ABHD3: variants seen among roughly 807,000 people sequenced by gnomAD.
ABHD3 encodes the protein phospholipase ABHD3.
In ABHD3, 46 loss-of-function variants were observed where a neutral mutation model predicts 48.8. That is an observed-to-expected ratio of 0.94 (90% confidence interval 0.74 to 1.20). The LOEUF (loss-of-function observed/expected upper bound fraction) is 1.20, where lower values mean the gene tolerates loss of function less well. Ranked by LOEUF, ABHD3 falls within the 50% of genes most tolerant of loss-of-function variation. ABHD3 has a pLI of 0.00. For missense variants in ABHD3, 490 were observed against 497.8 expected (o/e 0.98, Z 0.15); for synonymous variants, 192 against 183.7 (o/e 1.04, Z -0.36).
At chr18:21,654,844 T>C (rs556394920) in intron 8 of ABHD3, 1 of 152,284 alleles carries the variant, frequency 6.6e-6, no homozygotes, top group Admixed American at 6.5e-5. Context: ...TTTAAAGGCT[T>C]GGGAAAGAAT....
At chr18:21,702,570 C>G in intron 2 of ABHD3, 72 bp from the exon 3 acceptor site, 1 of 1,269,144 alleles carries the variant, frequency 7.9e-7, no homozygotes, top group Non-Finnish European at 1.1e-6. Context: ...ATTCTAAACA[C>G]ATGACATTAT....
chr18:21,676,616 C>T (rs2039888517), intron 4 of ABHD3, among the ~76,000 whole-genome samples: 1 of 152,202 alleles, frequency 6.6e-6, no homozygotes, highest in South Asian at 2.1e-4. Context: ...GTCTCGAACT[C>T]CTGGCCTCAA....
At position 21,670,616 on chromosome 18, in the gene ABHD3, G is replaced by C. The variant is rs571132311; in HGVS notation, c.556-6386C>G. Among the ~76,000 whole-genome samples the C allele has an allele frequency of 2.0e-5, 3 of 152,258 alleles. No individual in the cohort carries two copies. The East Asian group carries it at 5.8e-4, about 29-fold the overall frequency. Reference sequence around the variant, plus strand: ...TACAGATGCAGACCAATGGGATACTGTTCTCTTGCCTGCTAGGCCCCTTAA... The same window carrying C: ...TACAGATGCAGACCAATGGGATACTCTTCTCTTGCCTGCTAGGCCCCTTAA... On this transcript the variant is annotated intron_variant, in intron 4 of 8. Transcript: ENST00000289119.
intron 4 of ABHD3, among the ~76,000 whole-genome samples, chr18:21,675,113 C>T (rs1025195820): frequency 2.6e-5 from 4 of 152,116 alleles, no homozygotes; most frequent in African/African-American, 9.7e-5. Context: ...CCCAGATTTT[C>T]AGGCTGACTT....
intron 3 of ABHD3, among the ~76,000 whole-genome samples, chr18:21,686,741 A>C (rs771224130): frequency 6.6e-6 from 1 of 152,204 alleles, no homozygotes; most frequent in Non-Finnish European, 1.5e-5. Flanking sequence ...AAGCAGTTAC[A>C]GAGGACGGCA....
At chr18:21,694,773 A>G (rs989091394) in intron 3 of ABHD3, among the ~76,000 whole-genome samples, 9 of 151,996 alleles carry the variant, frequency 5.9e-5, no homozygotes, top group African/African-American at 2.2e-4. Flanking sequence ...TTCCTTCCTC[A>G]TCGCTCTACT....
Position 21,656,992 on chromosome 18 carries a change from G to A in ABHD3, c.926C>T (p.Thr309Ile). 5 of 1,614,090 alleles carry A rather than the reference G, an allele frequency of 3.1e-6. No homozygotes were observed. The highest frequency in any genetic ancestry group is 4.2e-6 in the Non-Finnish European group (5 of 1,180,010). The change falls in exon 8 of 9, where the codon ACT becomes ATT. Residue 309 changes from threonine to isoleucine, a missense_variant. Coordinates refer to ENST00000289119, the MANE Select transcript of ABHD3 (RefSeq NM_138340.5). The part of the protein sequence containing the change: ...KSIREFDKRF[T>I]SVMFGYQTID... ...TGTTTGGTATCCAAACATGACTGAA[G>A]TGAATCGCTTATCAAACTCTCTGAT...
chr18:21,693,786 A>G (rs182749249), intron 3 of ABHD3, among the ~76,000 whole-genome samples: 104 of 152,368 alleles, frequency 6.8e-4, no homozygotes, highest in Middle Eastern at 6.8e-3. Context: ...TATTTTAACA[A>G]CAACAAAATG....
intron 3 of ABHD3, among the ~76,000 whole-genome samples, chr18:21,690,631 CA>C (rs1445388928): frequency 6.6e-6 from 1 of 151,820 alleles, no homozygotes; most frequent in East Asian, 1.9e-4. Flanking sequence ...ACCACATTAA[CA>C]ATTACATTAA....
At chr18:21,657,849 T>C (rs1269126555) in intron 6 of ABHD3, among the ~76,000 whole-genome samples, 1 of 152,048 alleles carries the variant, frequency 6.6e-6, no homozygotes, top group Non-Finnish European at 1.5e-5. Flanking sequence ...TATATACACC[T>C]ACTATGTACC....
At chr18:21,672,200 AC>A (rs2039772223) in intron 4 of ABHD3, among the ~76,000 whole-genome samples, 1 of 152,324 alleles carries the variant, frequency 6.6e-6, no homozygotes, top group Non-Finnish European at 1.5e-5. Flanking sequence ...CATTAAAAAA[AC>A]AATTTTTGAC....
chr18:21,658,488 T>TAACACATTCCATACTACAAC (rs1230736093), intron 6 of ABHD3, among the ~76,000 whole-genome samples: 6 of 152,176 alleles, frequency 3.9e-5, no homozygotes, highest in African/African-American at 7.2e-5. Context: ...TCACACCACT[T>TAACACATTCCATACTACAAC]AACACATTCC....
intron 4 of ABHD3, among the ~76,000 whole-genome samples, chr18:21,678,483 A>G (rs187605810): frequency 3.9e-5 from 6 of 152,294 alleles, no homozygotes; most frequent in Admixed American, 1.3e-4. Context: ...TATAGATCCT[A>G]TAACTAAAAA....
At chr18:21,659,815 T>C (rs1221522425) in intron 5 of ABHD3, among the ~76,000 whole-genome samples, 1 of 152,082 alleles carries the variant, frequency 6.6e-6, no homozygotes, top group Non-Finnish European at 1.5e-5. Flanking sequence ...ATTACAGGCA[T>C]GCATCACCAC....
At chr18:21,651,812 AAATAT>A (rs1288851161) in intron 8 of ABHD3, 49 bp from the exon 9 acceptor site, 2 of 1,461,474 alleles carry the variant, frequency 1.4e-6, no homozygotes, top group Non-Finnish European at 1.8e-6. Flanking sequence ...GGAGAGAGAA[AAATAT>A]AATCATTATG....
At chr18:21,682,738 C>T (rs764435882) in intron 4 of ABHD3, among the ~76,000 whole-genome samples, 5 of 151,692 alleles carry the variant, frequency 3.3e-5, no homozygotes, top group African/African-American at 4.9e-5. Flanking sequence ...ACCATGTCTT[C>T]CCCCCCGGCT....
intron 4 of ABHD3, among the ~76,000 whole-genome samples, chr18:21,677,200 C>G (rs752741357): frequency 3.3e-5 from 5 of 151,878 alleles, no homozygotes; most frequent in Non-Finnish European, 5.9e-5. Flanking sequence ...AGACTTCATT[C>G]CCTTTTTTTT....
intron 4 of ABHD3, among the ~76,000 whole-genome samples, chr18:21,674,036 C>A (rs1276082541): frequency 1.3e-5 from 2 of 152,010 alleles, no homozygotes; most frequent in Non-Finnish European, 2.9e-5. Flanking sequence ...AATGGTAAAA[C>A]CTTTCTTGAG....
intron 2 of ABHD3, among the ~76,000 whole-genome samples, chr18:21,703,312 C>G (rs181863326): frequency 7.0e-6 from 1 of 143,576 alleles, no homozygotes; most frequent in South Asian, 2.2e-4. Flanking sequence ...AACTGCGAGA[C>G]AGTAATCCCC....
Sources: gnomAD v4.1 joint callset for allele counts (sites outside exome capture counted in the v4.1 genomes callset) on GRCh38, gnomAD v4.1.1 for gene constraint, MANE v1.5 for transcripts, NCBI Gene and HGNC (gene_info 2026-07-23, HGNC 2026-07-21) for gene names.